The following CA10 variants were observed in gnomAD, a reference collection of about 807,000 sequenced individuals.
The protein encoded by CA10 is carbonic anhydrase 10 (inactive), also known as carbonic anhydrase-related protein 10.
Under a neutral mutation model 44.2 loss-of-function variants are expected in CA10, and 14 were observed. That is an observed-to-expected ratio of 0.32 (90% CI 0.21 to 0.50). The LOEUF (loss-of-function observed/expected upper bound fraction) is 0.50. Among genes scored for constraint, CA10 ranks in the 20% least tolerant of loss-of-function variants. The probability of loss-of-function intolerance (pLI) is 0.99; values close to 1 mark genes in which losing one functional copy is unlikely to be tolerated. For missense variants in CA10, 350 were observed against 409.7 expected (o/e 0.85, Z 1.26); for synonymous variants, 159 against 141.6 (o/e 1.12, Z -0.87).
At chr17:52,112,822 C>G (rs1988814436) in intron 1 of CA10, among the ~76,000 whole-genome samples, 1 of 152,202 alleles carries the variant, frequency 6.6e-6, no homozygotes, top group South Asian at 2.1e-4. Flanking sequence ...CCCAGAGGCC[C>G]TTCTGCCCTT....
intron 2 of CA10, among the ~76,000 whole-genome samples, chr17:52,004,452 T>A (rs1320793022): frequency 6.6e-6 from 1 of 151,942 alleles, no homozygotes; most frequent in Non-Finnish European, 1.5e-5. Flanking sequence ...AAGTATAACA[T>A]CTTGCTCATT....
At chr17:51,940,988 T>TG (rs1411932632) in intron 2 of CA10, among the ~76,000 whole-genome samples, 2 of 152,128 alleles carry the variant, frequency 1.3e-5, no homozygotes, top group East Asian at 3.9e-4. Context: ...AGTATGCCAT[T>TG]GGTGGGAAAT....
At chr17:51,840,189 G>A (rs1461940401) in intron 3 of CA10, among the ~76,000 whole-genome samples, 1 of 152,188 alleles carries the variant, frequency 6.6e-6, no homozygotes, top group African/African-American at 2.4e-5. Context: ...GGCAGGTGAA[G>A]TATTTAATAC....
At chr17:51,998,190 T>C (rs1294259209) in intron 2 of CA10, among the ~76,000 whole-genome samples, 6 of 152,050 alleles carry the variant, frequency 3.9e-5, no homozygotes, top group Admixed American at 3.9e-4. Context: ...ATGTCCTTTG[T>C]TCACCCACCC....
chr17:51,823,905 CT>C (rs1907912944), intron 3 of CA10, among the ~76,000 whole-genome samples: 1 of 152,168 alleles, frequency 6.6e-6, no homozygotes, highest in Admixed American at 6.5e-5. Flanking sequence ...TCTTTATAAC[CT>C]TTCTCAAAGC....
intron 2 of CA10, among the ~76,000 whole-genome samples, chr17:52,044,633 T>C (rs1018488794): frequency 6.6e-6 from 1 of 151,998 alleles, no homozygotes; most frequent in African/African-American, 2.4e-5. Context: ...ATGGAAGCTT[T>C]CCAAAATATA....
intron 3 of CA10, among the ~76,000 whole-genome samples, chr17:51,754,447 A>ATATG (rs1462140708): frequency 1.7e-5 from 2 of 117,288 alleles, no homozygotes; most frequent in African/African-American, 6.4e-5. Context: ...ATATATATAT[A>ATATG]TCACGTAAAA....
At chr17:51,711,911 A>T (rs1455289102) in intron 4 of CA10, among the ~76,000 whole-genome samples, 1 of 152,154 alleles carries the variant, frequency 6.6e-6, no homozygotes, top group Non-Finnish European at 1.5e-5. Context: ...GGTGGCTGTG[A>T]GGTGTAATCA....
At chr17:52,139,385 C>A (rs1020562382) in intron 1 of CA10, among the ~76,000 whole-genome samples, 1 of 151,852 alleles carries the variant, frequency 6.6e-6, no homozygotes, top group Non-Finnish European at 1.5e-5. Context: ...CTGCCTCATT[C>A]GCCTCTGCAT....
chr17:51,648,517 A>G (rs1913428489), intron 6 of CA10, among the ~76,000 whole-genome samples: 1 of 152,150 alleles, frequency 6.6e-6, no homozygotes, highest in East Asian at 1.9e-4. Flanking sequence ...TCTTTCATCT[A>G]TGGGTGTGTG....
intron 4 of CA10, among the ~76,000 whole-genome samples, chr17:51,727,227 GAGGA>G (rs1446293956): frequency 6.6e-6 from 1 of 152,136 alleles, no homozygotes; most frequent in African/African-American, 2.4e-5. Flanking sequence ...CGGGGGTGAG[GAGGA>G]AGGGAGTGGA....
chr17:52,023,748 A>T (rs1986212744), intron 2 of CA10, among the ~76,000 whole-genome samples: 1 of 152,072 alleles, frequency 6.6e-6, no homozygotes, highest in South Asian at 2.1e-4. Flanking sequence ...ACTATCCAGA[A>T]TGTAGACAGA....
intron 4 of CA10, among the ~76,000 whole-genome samples, chr17:51,741,314 A>G (rs896575923): frequency 2.6e-5 from 4 of 152,136 alleles, no homozygotes; most frequent in African/African-American, 9.7e-5. Context: ...CACATTTGGG[A>G]TAGGGCTAGG....
intron 2 of CA10, among the ~76,000 whole-genome samples, chr17:52,009,768 A>G (rs527265028): frequency 5.5e-4 from 83 of 152,182 alleles, no homozygotes; most frequent in Non-Finnish European, 4.6e-4. Flanking sequence ...TAATTAAACT[A>G]AAAAGCTTCT....
In CA10 at chr17:52,008,674, C is replaced by G. The variant is rs1253508622; in HGVS notation, c.136+63645G>C. The stretch of plus-strand genomic sequence containing the variant: ...TTACTTAGGAAACTTTGAAAGATAA[C>G]CTCAGTCTCAAGTGTCATGTAGATC... On this transcript the variant is annotated intron_variant, in intron 2 of 8. Transcript: ENST00000451037. Among the ~76,000 whole-genome samples, 3 of 151,774 alleles carry G rather than the reference C, an allele frequency of 2.0e-5. No individual in the cohort carries two copies. In the East Asian group the frequency reaches 5.8e-4, roughly 30 times the overall value.
At chr17:51,847,200 T>C (rs1172019755) in intron 3 of CA10, among the ~76,000 whole-genome samples, 6 of 152,180 alleles carry the variant, frequency 3.9e-5, no homozygotes, top group Non-Finnish European at 5.9e-5. Flanking sequence ...TTCCAAATAA[T>C]TTTGTAAGTA....
In CA10 at chr17:51,871,050, C is replaced by CTTT. The variant is rs56319440; in HGVS notation, c.279+59937_279+59939dup. On this transcript the variant is annotated intron_variant, in intron 3 of 8. Coordinates refer to ENST00000451037, the MANE Select transcript of CA10 (RefSeq NM_020178.5). ...CCTTCTTTACTTTCTTCCCACTTTA[C>CTTT]TTTTTTTTTTTTTTTTTTTTTTTTT... Among the ~76,000 whole-genome samples, 28 of 94,854 alleles carry CTTT rather than the reference C, an allele frequency of 3.0e-4. 3 individuals carry two copies. Among genetic ancestry groups the CTTT allele is most frequent in the African/African-American group, 8.3e-4 (23 of 27,672 alleles). 62.2% of individuals were successfully genotyped at this position (94,854 alleles called of 152,430 possible).
intron 2 of CA10, among the ~76,000 whole-genome samples, chr17:51,952,350 G>A (rs543288830): frequency 5.3e-5 from 8 of 152,166 alleles, no homozygotes; most frequent in African/African-American, 1.9e-4. Flanking sequence ...TCCAAGTGAG[G>A]TTATATTCTG....
intron 3 of CA10, among the ~76,000 whole-genome samples, chr17:51,789,482 A>G (rs1425489150): frequency 1.3e-5 from 2 of 152,228 alleles, no homozygotes; most frequent in South Asian, 2.1e-4. Context: ...CCTGGCAAGT[A>G]GCAGCTTCTC....
Sources: allele counts gnomAD v4.1 joint callset (sites outside exome capture counted in the v4.1 genomes callset), GRCh38; gene constraint gnomAD v4.1.1; transcripts MANE v1.5; gene names NCBI Gene and HGNC (gene_info 2026-07-23, HGNC 2026-07-21).